MTR: variants seen among roughly 807,000 people sequenced by gnomAD.
MTR encodes 5-methyltetrahydrofolate-homocysteine methyltransferase.
MTR carries 84 observed loss-of-function variants against 154.8 expected under a neutral mutation model. That is an observed-to-expected ratio of 0.54 (90% confidence interval 0.45 to 0.65). The LOEUF (loss-of-function observed/expected upper bound fraction) is 0.65. MTR is among the 30% of genes least tolerant of loss of function. The pLI, the probability that MTR is intolerant of heterozygous loss-of-function variation, is 0.00. For synonymous variants in MTR, 554 were observed against 553.9 expected, an observed-to-expected ratio of 1.00 and a Z score of 0.00; for missense variants, 1,275 against 1,570.2, an observed-to-expected ratio of 0.81 and a Z score of 3.18.
chr1:236,820,315 C>G, intron 8 of MTR: 1 of 753,496 alleles, frequency 1.3e-6, no homozygotes, highest in South Asian at 1.4e-5. Context: ...GGAGGAGTTT[C>G]AGGGTGAATG....
At chr1:236,868,991 C>T (rs150916014) in intron 22 of MTR, among the ~76,000 whole-genome samples, 1 of 152,282 alleles carries the variant, frequency 6.6e-6, no homozygotes, top group East Asian at 1.9e-4. Context: ...ACCCCACTGG[C>T]ACTACTTAAG....
At chr1:236,875,960 G>A (rs1665410096) in intron 24 of MTR, among the ~76,000 whole-genome samples, 1 of 152,174 alleles carries the variant, frequency 6.6e-6, no homozygotes, top group African/African-American at 2.4e-5. Flanking sequence ...TCTAGAGGTG[G>A]AATTTCTTCT....
chr1:236,867,866 A>G (rs924470397), intron 22 of MTR, among the ~76,000 whole-genome samples: 4 of 152,248 alleles, frequency 2.6e-5, no homozygotes, highest in Admixed American at 6.5e-5. Flanking sequence ...TACAACTTCA[A>G]CAGATGAGGA....
chr1:236,868,247 C>T (rs1664928750), intron 22 of MTR, among the ~76,000 whole-genome samples: 1 of 152,186 alleles, frequency 6.6e-6, no homozygotes, highest in African/African-American at 2.4e-5. Flanking sequence ...AAGGTTACAA[C>T]TCACTGAAGA....
At chr1:236,854,352 G>T (rs985081675) in intron 18 of MTR, among the ~76,000 whole-genome samples, 3 of 152,182 alleles carry the variant, frequency 2.0e-5, no homozygotes, top group African/African-American at 7.2e-5. Context: ...AGGACAGAAT[G>T]TTTCATTTGG....
chr1:236,852,444 T>C, intron 16 of MTR, 77 bp from the exon 17 acceptor site: 1 of 1,035,680 alleles, frequency 9.7e-7, no homozygotes, highest in Non-Finnish European at 1.5e-6. Flanking sequence ...TTTCCACTCC[T>C]ATATAAAGCT....
intron 15 of MTR, among the ~76,000 whole-genome samples, chr1:236,843,770 T>C (rs1663401526): frequency 6.6e-6 from 1 of 152,188 alleles, no homozygotes; most frequent in South Asian, 2.1e-4. Flanking sequence ...GGGATAACTT[T>C]AGAATCTGTT....
At chr1:236,874,519 C>G (rs1056625346) in intron 23 of MTR, among the ~76,000 whole-genome samples, 3 of 149,878 alleles carry the variant, frequency 2.0e-5, no homozygotes, top group Admixed American at 1.3e-4. Flanking sequence ...TGCAGTGAGC[C>G]GAGATCGCGC....
At chr1:236,802,387 A>G (rs1445581846) in intron 1 of MTR, among the ~76,000 whole-genome samples, 3 of 152,138 alleles carry the variant, frequency 2.0e-5, no homozygotes, top group African/African-American at 7.2e-5. Flanking sequence ...TGACTTTAGA[A>G]AGTAATTTCA....
intron 10 of MTR, among the ~76,000 whole-genome samples, chr1:236,826,265 TTAGA>T (rs1375897038): frequency 6.6e-6 from 1 of 152,230 alleles, no homozygotes; most frequent in Non-Finnish European, 1.5e-5. Flanking sequence ...AAAAAAGTCA[TTAGA>T]TAGGCAAATC....
In MTR at chr1:236,902,152, G is replaced by A; in HGVS notation, c.*4508G>A. 1 of 152,334 alleles carries A rather than the reference G, an allele frequency of 6.6e-6. No homozygotes were observed. The highest frequency in any genetic ancestry group is 1.5e-5 in the Non-Finnish European group (1 of 68,164). 9.4% of individuals were successfully genotyped at this position (152,334 alleles called of 1,614,324 possible). On this transcript the variant is annotated 3_prime_UTR_variant, in exon 33 of 33. Transcript: ENST00000366577. The stretch of plus-strand genomic sequence containing the variant: ...CTAGGATATATCCCAGCCCCTTAGA[G>A]GCATGCAAAGCCTTCCATGTCTGAC...
chr1:236,814,378 G>A (rs549496983), intron 6 of MTR, among the ~76,000 whole-genome samples: 1 of 152,266 alleles, frequency 6.6e-6, no homozygotes, highest in Non-Finnish European at 1.5e-5. Flanking sequence ...TTAGAAATAA[G>A]AGGGATTAAC....
At chr1:236,808,364 A>G (rs771139744) in intron 3 of MTR, among the ~76,000 whole-genome samples, 3 of 152,162 alleles carry the variant, frequency 2.0e-5, no homozygotes, top group Non-Finnish European at 2.9e-5. Context: ...TCTTAAGCCT[A>G]TGCTCTTTCC....
chr1:236,897,423 C>T (rs1345725561), intron 32 of MTR, 135 bp from the exon 33 acceptor site: 15 of 876,262 alleles, frequency 1.7e-5, no homozygotes, highest in Non-Finnish European at 2.6e-5. Context: ...AAATATCTAT[C>T]TCCATTTAAC....
At chr1:236,875,640 A>T (rs1370843630) in intron 24 of MTR, among the ~76,000 whole-genome samples, 1 of 152,172 alleles carries the variant, frequency 6.6e-6, no homozygotes, top group Non-Finnish European at 1.5e-5. Context: ...GTCTGGTTAT[A>T]GGTATGCCAG....
At chr1:236,850,136 A>G (rs201074527) in intron 15 of MTR, among the ~76,000 whole-genome samples, 1 of 152,160 alleles carries the variant, frequency 6.6e-6, no homozygotes, top group African/African-American at 2.4e-5. Flanking sequence ...TAATTTGATA[A>G]GTGATCGGAA....
At chr1:236,887,582 G>A (rs1361037489) in intron 27 of MTR, among the ~76,000 whole-genome samples, 3 of 152,188 alleles carry the variant, frequency 2.0e-5, no homozygotes, top group South Asian at 2.1e-4. Flanking sequence ...CATCCAAAAC[G>A]TATTTTGCTG....
intron 16 of MTR, 69 bp downstream of exon 16, chr1:236,850,592 A>G: frequency 7.3e-7 from 1 of 1,370,122 alleles, no homozygotes; most frequent in Non-Finnish European, 1.0e-6. Flanking sequence ...GAATGGTTAG[A>G]ACTAACTTAT....
At chr1:236,882,332 A>G (rs1005107280) in intron 25 of MTR, among the ~76,000 whole-genome samples, 1 of 151,314 alleles carries the variant, frequency 6.6e-6, no homozygotes, top group Non-Finnish European at 1.5e-5. Flanking sequence ...CCTTTCCTCT[A>G]TAGGCAGGGG....
Sources: allele counts gnomAD v4.1 joint callset (sites outside exome capture counted in the v4.1 genomes callset), GRCh38; gene constraint gnomAD v4.1.1; transcripts MANE v1.5; gene names NCBI Gene and HGNC (gene_info 2026-07-23, HGNC 2026-07-21).